Variants in MASP2 observed in about 807,000 individuals in gnomAD.
MASP2 encodes the protein mannan-binding lectin serine protease 2.
Under a neutral mutation model 57.1 loss-of-function variants are expected in MASP2, and 49 were observed. The observed-to-expected ratio is 0.86, with a 90% CI of 0.68 to 1.09. The LOEUF (loss-of-function observed/expected upper bound fraction) is 1.09. MASP2 is among the 50% of genes least tolerant of loss of function. MASP2 has a pLI of 0.00. For missense variants in MASP2, 900 were observed against 874.8 expected, an observed-to-expected ratio of 1.03 and a Z score of -0.36; for synonymous variants, 379 against 340.8, an observed-to-expected ratio of 1.11 and a Z score of -1.24.
At chr1:11,031,253 A>G (rs533175162) in intron 8 of MASP2, among the ~76,000 whole-genome samples, 6 of 151,710 alleles carry the variant, frequency 4.0e-5, no homozygotes, top group African/African-American at 1.2e-4. Flanking sequence ...GCCGGGCGCG[A>G]TGGCTCATGC....
chr1:11,027,034 C>A lies in MASP2; in HGVS notation c.1912G>T (p.Val638Leu), dbSNP rs765574358. Reference sequence around the variant, plus strand: ...CTCTCTGTTTCACTATCTAGAAACACCAGTGCCCCTCCGCTGTCACCTCTG... The same window carrying A: ...CTCTCTGTTTCACTATCTAGAAACAACAGTGCCCCTCCGCTGTCACCTCTG... ...SCRGDSGGAL[V>L]FLDSETERWF... The change falls in exon 11 of 11, where the codon GTG becomes TTG. Residue 638 changes from valine to leucine, a missense_variant. By Grantham distance (32) the Val-to-Leu change is conservative. Transcript: ENST00000400897. 1.3e-6 allele frequency: 2 copies of A among 1,597,096 alleles called. No individual in the cohort carries two copies. The highest frequency in any genetic ancestry group is 1.1e-5 in the South Asian group (1 of 87,968).
intron 8 of MASP2, among the ~76,000 whole-genome samples, chr1:11,032,800 T>G (rs1229194696): frequency 6.6e-6 from 1 of 150,840 alleles, no homozygotes; most frequent in Non-Finnish European, 1.5e-5. Flanking sequence ...TCCCAGCTAT[T>G]TGGGAGGCTG....
At position 11,047,077 on chromosome 1, in the gene MASP2, G is replaced by T. The variant is rs2100909998; in HGVS notation, c.48C>A (p.Thr16=). 1.3e-6 allele frequency: 2 copies of T among 1,550,242 alleles called. No homozygotes were observed. Among genetic ancestry groups the T allele is most frequent in the Non-Finnish European group, 1.7e-6 (2 of 1,146,948 alleles). ...GTTCAGGCCACTTCGGGCCCAAGGG[G>T]GTGGCCACCGAGCCACACAGAAGGC... ...LLGLLCGSVA[T]PLGPKWPEPV... The change falls in exon 2 of 11, where the codon ACC becomes ACA. Residue 16 remains threonine, a synonymous_variant. Transcript: ENST00000400897.
chr1:11,045,884 C>G, intron 3 of MASP2: 1 of 316,726 alleles, frequency 3.2e-6, no homozygotes, highest in Admixed American at 4.4e-5. Context: ...AGAAATTGAG[C>G]CACTTGCCAG....
intron 8 of MASP2, among the ~76,000 whole-genome samples, chr1:11,033,434 C>T (rs1643867210): frequency 6.6e-6 from 1 of 152,124 alleles, no homozygotes; most frequent in African/African-American, 2.4e-5. Context: ...TGCCTGAGCT[C>T]AGGAGTTCAA....
At chr1:11,030,603 A>T in intron 9 of MASP2, 145 bp downstream of exon 9, 1 of 877,460 alleles carries the variant, frequency 1.1e-6, no homozygotes, top group Non-Finnish European at 1.7e-6. Flanking sequence ...CACTTTAGCT[A>T]TAATATTTCA....
rs755084670 is a variant in MASP2, at chr1:11,030,260, A to G, written c.1223-10T>C. The G allele has an allele frequency of 6.2e-7, 1 of 1,606,648 alleles. No homozygotes were observed. The highest frequency in any genetic ancestry group is 1.1e-5 in the South Asian group (1 of 90,172). ...TCACACACATATTTACCTGCAAATC[A>G]TTGGAAAAGCAAAAATGTTTAACTG... On this transcript the variant is annotated splice_polypyrimidine_tract_variant and intron_variant, in intron 9 of 10. Transcript: ENST00000400897.
intron 3 of MASP2, chr1:11,045,885 C>T (rs1405248835): frequency 3.2e-6 from 1 of 316,578 alleles, no homozygotes; most frequent in Admixed American, 4.4e-5. Flanking sequence ...GAAATTGAGC[C>T]ACTTGCCAGA....
chr1:11,031,782 T>A (rs1390500204), intron 8 of MASP2, among the ~76,000 whole-genome samples: 1 of 151,204 alleles, frequency 6.6e-6, no homozygotes, highest in Non-Finnish European at 1.5e-5. Context: ...TTGGCTGGGC[T>A]TGGTGGCGTG....
intron 8 of MASP2, among the ~76,000 whole-genome samples, chr1:11,031,545 A>AG (rs1432734217): frequency 3.1e-4 from 47 of 149,934 alleles, no homozygotes; most frequent in African/African-American, 1.2e-3. Flanking sequence ...AAAAAAAAAA[A>AG]AGGCTGCAGC....
At chr1:11,043,247 G>T in intron 5 of MASP2, 92 bp downstream of exon 5, 1 of 1,208,838 alleles carries the variant, frequency 8.3e-7, no homozygotes, top group Non-Finnish European at 1.2e-6. Context: ...AGGGTGACGG[G>T]AACGTGGTGG....
intron 8 of MASP2, among the ~76,000 whole-genome samples, chr1:11,031,800 C>A (rs1169535617): frequency 6.6e-6 from 1 of 151,952 alleles, no homozygotes; most frequent in East Asian, 1.9e-4. Context: ...GTGGTCTCAG[C>A]TACTCAGGAG....
chr1:11,031,369 A>T (rs1329232048), intron 8 of MASP2, among the ~76,000 whole-genome samples: 4 of 146,348 alleles, frequency 2.7e-5, no homozygotes, highest in African/African-American at 1.0e-4. Flanking sequence ...TAAAAATACA[A>T]AAAAAAAAAA....
At chr1:11,030,609 T>C (rs1643827601) in intron 9 of MASP2, 139 bp downstream of exon 9, 1 of 939,258 alleles carries the variant, frequency 1.1e-6, no homozygotes, top group African/African-American at 1.7e-5. Context: ...AGCTATAATA[T>C]TTCACTTAGC....
chr1:11,032,903 C>T (rs529749070), intron 8 of MASP2, among the ~76,000 whole-genome samples: 4 of 151,622 alleles, frequency 2.6e-5, no homozygotes, highest in East Asian at 2.0e-4. Context: ...AACAAGACTC[C>T]GTCTCAAAAA....
In MASP2 at chr1:11,026,700, G is replaced by A; in HGVS notation, c.*185C>T. On this transcript the variant is annotated 3_prime_UTR_variant, in exon 11 of 11. Coordinates refer to ENST00000400897, the MANE Select transcript of MASP2 (RefSeq NM_006610.4). ...GTGGTTTATGTCCCCTTGAGTCAAT[G>A]GGTAAGGCTGGAATTAAACTGGCAA... is the stretch of plus-strand genomic sequence containing the variant. The A allele has an allele frequency of 2.2e-6, 1 of 446,112 alleles. No homozygotes were observed. 27.6% of individuals were successfully genotyped at this position (446,112 alleles called of 1,614,324 possible).
Position 11,043,405 on chromosome 1 carries a change from C to G in MASP2, c.675G>C (p.Leu225=). 1 of 1,610,726 alleles carries G rather than the reference C, an allele frequency of 6.2e-7. No individual in the cohort carries two copies. Residue 225 remains leucine (L), a synonymous_variant, in exon 5 of 11, where the codon CTG becomes CTC. Coordinates refer to ENST00000400897, the MANE Select transcript of MASP2 (RefSeq NM_006610.4). ...CCACATCGAAGGACTCCACAAAGTC[C>G]AGAATGACACTGAACCCCTCCTCCA... ...ISLEEGFSVI[L]DFVESFDVET...
Position 11,030,621 on chromosome 1 carries a change from G to A in MASP2, c.1222+127C>T, listed in dbSNP as rs575883831. Reference sequence around the variant, plus strand: ...TTTAGCTATAATATTTCACTTAGCGGATGGGAGAAGTGGCTTTTAATCTTT... The same window carrying A: ...TTTAGCTATAATATTTCACTTAGCGAATGGGAGAAGTGGCTTTTAATCTTT... On this transcript the variant is annotated intron_variant, in intron 9 of 10. Coordinates refer to ENST00000400897, the MANE Select transcript of MASP2 (RefSeq NM_006610.4). 30 of 1,028,136 alleles carry A rather than the reference G, an allele frequency of 2.9e-5. No individual in the cohort carries two copies. In the South Asian group the frequency reaches 5.0e-4, roughly 17 times the overall value. The allele number at this position is 1,028,136 out of a possible 1,614,324, so 63.7% of individuals were successfully genotyped here.
chr1:11,045,047 C>A, intron 4 of MASP2: 1 of 1,210,726 alleles, frequency 8.3e-7, no homozygotes, highest in South Asian at 1.3e-5. Flanking sequence ...GGGCTGCCCA[C>A]GCCCCAGAGC....
Sources: allele counts gnomAD v4.1 joint callset (sites outside exome capture counted in the v4.1 genomes callset), GRCh38; gene constraint gnomAD v4.1.1; transcripts MANE v1.5; gene names NCBI Gene and HGNC (gene_info 2026-07-23, HGNC 2026-07-21).